ASNS: variants seen among roughly 807,000 people sequenced by gnomAD.
ASNS encodes asparagine synthetase [glutamine-hydrolyzing].
In ASNS, 37 loss-of-function variants were observed where a neutral mutation model predicts 62.6. The observed-to-expected ratio is 0.59, with a 90% CI of 0.45 to 0.78. ASNS has a LOEUF of 0.78. ASNS is among the 30% of genes least tolerant of loss of function. The pLI, the probability that ASNS is intolerant of heterozygous loss-of-function variation, is 0.00. For synonymous variants in ASNS, 207 were observed against 237.9 expected (o/e 0.87, Z 1.19); for missense variants, 520 against 682.4 (o/e 0.76, Z 2.65).
At chr7:97,922,182 T>C in the ASNS span, among the ~76,000 whole-genome samples, 26 of 152,066 alleles carry the variant, frequency 1.7e-4, no homozygotes, top group African/African-American at 6.0e-4. Context: ...CTGCATAACA[T>C]AGCAAGACCC....
the ASNS span, among the ~76,000 whole-genome samples, chr7:97,880,175 A>G: frequency 8.0e-5 from 12 of 149,266 alleles, no homozygotes; most frequent in Non-Finnish European, 1.5e-4. Flanking sequence ...CCCAGGCTGG[A>G]GTGTAGTGGT....
intron 7 of ASNS, among the ~76,000 whole-genome samples, 193 bp from the exon 8 acceptor site, chr7:97,857,009 C>G (rs1231747815): frequency 6.6e-6 from 1 of 152,190 alleles, no homozygotes; most frequent in East Asian, 1.9e-4. Context: ...TGCTTCAACT[C>G]CACCACCAGG....
intron 3 of ASNS, among the ~76,000 whole-genome samples, chr7:97,864,810 C>T (rs1471435654): frequency 6.6e-6 from 1 of 152,008 alleles, no homozygotes; most frequent in East Asian, 1.9e-4. Flanking sequence ...GTAATACATA[C>T]ATATATTTAT....
At chr7:97,886,505 G>A in the ASNS span, among the ~76,000 whole-genome samples, 4 of 151,932 alleles carry the variant, frequency 2.6e-5, no homozygotes, top group East Asian at 1.9e-4. Flanking sequence ...CTGTGATATC[G>A]GGTTTTCTTA....
At chr7:97,906,857 A>G in the ASNS span, 1 of 152,038 alleles carries the variant, frequency 6.6e-6, no homozygotes, top group Non-Finnish European at 1.5e-5. Context: ...ATCTAAAGTC[A>G]GGAGAAGATT....
the ASNS span, chr7:97,908,810 T>G: frequency 6.6e-6 from 1 of 152,210 alleles, no homozygotes; most frequent in Admixed American, 6.5e-5. Context: ...CTCTCTCACA[T>G]GATGACAAAC....
chr7:97,896,735 C>CATATATAT, the ASNS span, among the ~76,000 whole-genome samples: 21 of 24,952 alleles, frequency 8.4e-4, no homozygotes, highest in South Asian at 1.8e-3. Context: ...CACACACACA[C>CATATATAT]ACACACATAT....
the ASNS span, among the ~76,000 whole-genome samples, chr7:97,901,661 G>A: frequency 6.6e-6 from 1 of 152,174 alleles, no homozygotes; most frequent in African/African-American, 2.4e-5. Context: ...AGTCCTGCCA[G>A]AGTTTCTCTA....
At chr7:97,854,808 C>T in intron 9 of ASNS, 128 bp from the exon 10 acceptor site, 11 of 1,526,172 alleles carry the variant, frequency 7.2e-6, no homozygotes, top group Non-Finnish European at 9.8e-6. Flanking sequence ...GAGTAAATAA[C>T]TGAACAGAGG....
At chr7:97,920,431 C>T in the ASNS span, among the ~76,000 whole-genome samples, 4 of 152,022 alleles carry the variant, frequency 2.6e-5, no homozygotes, top group African/African-American at 7.3e-5. Flanking sequence ...GCTCCTGCCC[C>T]GGGGCTCTGA....
chr7:97,857,442 C>A (rs1035572811), intron 7 of ASNS, among the ~76,000 whole-genome samples: 1 of 152,036 alleles, frequency 6.6e-6, no homozygotes, highest in African/African-American at 2.4e-5. Context: ...TAAGTACTTA[C>A]TACATGCTAA....
At chr7:97,899,231 C>G in the ASNS span, 1 of 197,180 alleles carries the variant, frequency 5.1e-6, no homozygotes, top group Admixed American at 5.8e-5. Context: ...ATCTGCCCGC[C>G]TCAGCCTCCC....
At chr7:97,874,268 G>A (rs1054971739), upstream of ASNS, among the ~76,000 whole-genome samples, 1 of 152,076 alleles carries the variant, frequency 6.6e-6, no homozygotes, top group Non-Finnish European at 1.5e-5. Context: ...CTGGCTCACC[G>A]GCGGTCAGAG....
At chr7:97,858,562 T>A (rs1412641665) in intron 6 of ASNS, among the ~76,000 whole-genome samples, 157 bp from the exon 7 acceptor site, 2 of 152,118 alleles carry the variant, frequency 1.3e-5, no homozygotes, top group Admixed American at 6.5e-5. Context: ...AAGAGAAAAA[T>A]ATATAAACTG....
chr7:97,864,512 C>A lies in ASNS; in HGVS notation c.250-16G>T. The A allele has an allele frequency of 6.3e-7, 1 of 1,586,338 alleles. No homozygotes were observed. Among genetic ancestry groups the A allele is most frequent in the Non-Finnish European group, 8.7e-7 (1 of 1,154,972 alleles). On this transcript the variant is annotated splice_polypyrimidine_tract_variant and intron_variant, in intron 3 of 12. Transcript: ENST00000394308. ...GCTGTTGCATCTTAGGAAGCGAAAG[C>A]AAAACCAAAATGTTAGACTCCTTGT...
the ASNS span, among the ~76,000 whole-genome samples, chr7:97,912,512 A>T: frequency 2.1e-5 from 3 of 146,138 alleles, no homozygotes; most frequent in East Asian, 6.0e-4. Flanking sequence ...TCCAACAACA[A>T]TCTTTGACAA....
At position 97,868,791 on chromosome 7, in the gene ASNS, TAACG is replaced by T. The variant is rs766078381; in HGVS notation, c.249+113_249+116del. The T allele has an allele frequency of 2.1e-6, 3 of 1,429,736 alleles. No individual in the cohort carries two copies. The South Asian group carries it at 4.0e-5, about 19-fold the overall frequency. 88.6% of individuals were successfully genotyped at this position (1,429,736 alleles called of 1,614,324 possible). On this transcript the variant is annotated intron_variant, in intron 3 of 12. Coordinates refer to ENST00000394308, the MANE Select transcript of ASNS (RefSeq NM_001673.5). ...ATTTACATACTTAGAGCAAATGAGA[TAACG>T]AACATAGAGTGCTTTGCAAAGGAAA...
chr7:97,896,527 G>A, the ASNS span, among the ~76,000 whole-genome samples: 1 of 146,608 alleles, frequency 6.8e-6, no homozygotes, highest in African/African-American at 2.5e-5. Context: ...AACCCGGGAG[G>A]AAGAGCTTGC....
At position 97,858,129 on chromosome 7, in the gene ASNS, C is replaced by T. The variant is rs75926107; in HGVS notation, c.903+149G>A. On this transcript the variant is annotated intron_variant, in intron 7 of 12. Transcript: ENST00000394308. The stretch of plus-strand genomic sequence containing the variant: ...GTACAACACAGTGCATATCCAACAG[C>T]CATTTCATTCTATTTTAATACAATC... The T allele has an allele frequency of 2.7e-3, 2,924 of 1,068,386 alleles. 66 individuals carry two copies. The African/African-American group carries it at 0.041, about 15-fold the overall frequency. The allele number at this position is 1,068,386 out of a possible 1,614,324, so 66.2% of individuals were successfully genotyped here. A position where few individuals can be genotyped will look rare whatever the true frequency, so the allele number is the denominator to read the frequency against.
Sources: allele counts gnomAD v4.1 joint callset (sites outside exome capture counted in the v4.1 genomes callset), GRCh38; gene constraint gnomAD v4.1.1; transcripts MANE v1.5; gene names NCBI Gene and HGNC (gene_info 2026-07-23, HGNC 2026-07-21).